The following FAXC variants were observed in gnomAD, a reference collection of about 807,000 sequenced individuals.
FAXC encodes failed axon connections homolog.
In FAXC, 10 loss-of-function variants were observed where a neutral mutation model predicts 41.9. The ratio of observed to expected loss-of-function variants is 0.24; its 90% confidence interval spans 0.15 to 0.41. The LOEUF is 0.41. FAXC is among the 10% of genes least tolerant of loss of function. The probability of loss-of-function intolerance (pLI) is 1.00; values close to 1 mark genes in which losing one functional copy is unlikely to be tolerated. For synonymous variants in FAXC, 183 were observed against 183.8 expected (o/e 1.00, Z 0.03); for missense variants, 399 against 510.9 (o/e 0.78, Z 2.11).
At chr6:99,320,513 A>G (rs1188534772) in intron 4 of FAXC, among the ~76,000 whole-genome samples, 1 of 151,536 alleles carries the variant, frequency 6.6e-6, no homozygotes, top group Non-Finnish European at 1.5e-5. Context: ...TCTCTTTACC[A>G]CCTCCCACCA....
chr6:99,304,004 G>A (rs1397925405), intron 4 of FAXC, among the ~76,000 whole-genome samples: 1 of 152,210 alleles, frequency 6.6e-6, no homozygotes, highest in East Asian at 1.9e-4. Flanking sequence ...ACGGTCGGCC[G>A]GGTGTGGTGG....
chr6:99,349,092 C>G lies in FAXC; in HGVS notation c.266+15G>C, dbSNP rs200432242. 6.2e-7 allele frequency: 1 copy of G among 1,612,302 alleles called. No individual in the cohort carries two copies. Among genetic ancestry groups the G allele is most frequent in the African/African-American group, 1.3e-5 (1 of 74,916 alleles). On this transcript the variant is annotated intron_variant, in intron 1 of 5. Coordinates refer to ENST00000389677, the MANE Select transcript of FAXC (RefSeq NM_032511.4). ...CCTCTCTGCGCCCCTGTGCGGGGCC[C>G]TCTCTCCGGCTCACCTAATGACCAG...
intron 5 of FAXC, chr6:99,284,211 C>T (rs1770932350): frequency 6.6e-6 from 1 of 152,166 alleles, no homozygotes; most frequent in South Asian, 2.1e-4. Context: ...TATTGCACTA[C>T]CTGTCATGGA....
chr6:99,338,860 C>T (rs1582686490), intron 2 of FAXC, among the ~76,000 whole-genome samples: 1 of 152,198 alleles, frequency 6.6e-6, no homozygotes, highest in East Asian at 1.9e-4. Flanking sequence ...GGACTCCCCC[C>T]ATGCATTCCA....
At chr6:99,317,886 GT>G (rs1362957697) in intron 4 of FAXC, among the ~76,000 whole-genome samples, 1 of 152,168 alleles carries the variant, frequency 6.6e-6, no homozygotes, top group Non-Finnish European at 1.5e-5. Context: ...ACAAAGCAGG[GT>G]TTTGTCTGAT....
At chr6:99,330,559 T>C (rs1362267429) in intron 3 of FAXC, among the ~76,000 whole-genome samples, 1 of 152,246 alleles carries the variant, frequency 6.6e-6, no homozygotes, top group Non-Finnish European at 1.5e-5. Flanking sequence ...TGTGATGTAA[T>C]ATAACAATGC....
intron 4 of FAXC, among the ~76,000 whole-genome samples, chr6:99,294,301 C>G (rs943863271): frequency 1.3e-5 from 2 of 152,162 alleles, no homozygotes; most frequent in Non-Finnish European, 2.9e-5. Context: ...GGGTGCATCC[C>G]GCTGGCGCCA....
intron 4 of FAXC, among the ~76,000 whole-genome samples, 193 bp downstream of exon 4, chr6:99,323,251 T>C (rs1772656095): frequency 6.6e-6 from 1 of 152,204 alleles, no homozygotes; most frequent in African/African-American, 2.4e-5. Flanking sequence ...AACAGTCAAG[T>C]ACCAGTGATT....
intron 4 of FAXC, among the ~76,000 whole-genome samples, chr6:99,314,821 G>A (rs749340806): frequency 7.2e-5 from 11 of 152,230 alleles, no homozygotes; most frequent in Admixed American, 1.3e-4. Context: ...ATCTCAGGCC[G>A]TTTACATATG....
chr6:99,291,214 G>A (rs1482261704), intron 5 of FAXC, among the ~76,000 whole-genome samples: 1 of 152,204 alleles, frequency 6.6e-6, no homozygotes. Flanking sequence ...ACAGTTACAT[G>A]TGCAACATCG....
Position 99,342,961 on chromosome 6 carries a change from T to C in FAXC, c.339A>G (p.Pro113=), listed in dbSNP as rs1161203041. Residue 113 remains proline, a synonymous_variant, in exon 2 of 6, where the codon CCA becomes CCG. Transcript: ENST00000389677. ...HQFARPNNGV[P]SLSPFCLKME... ...TCTTTAAACAGAAAGGAGATAAACT[T>C]GGAACACCATTGTTAGGTCTTGCAA... 1 of 1,612,750 alleles carries C rather than the reference T, an allele frequency of 6.2e-7. No homozygotes were observed. The highest frequency in any genetic ancestry group is 8.5e-7 in the Non-Finnish European group (1 of 1,179,578).
intron 3 of FAXC, among the ~76,000 whole-genome samples, chr6:99,326,498 C>T (rs1280750008): frequency 6.6e-6 from 1 of 151,996 alleles, no homozygotes; most frequent in African/African-American, 2.4e-5. Flanking sequence ...GATTGGTTAA[C>T]CTGTAGCATT....
At chr6:99,339,862 G>A (rs957417278) in intron 2 of FAXC, among the ~76,000 whole-genome samples, 2 of 151,912 alleles carry the variant, frequency 1.3e-5, no homozygotes, top group African/African-American at 4.8e-5. Context: ...GAACAAGGAA[G>A]AAGAGGGAAA....
chr6:99,281,297 C>A lies in FAXC; in HGVS notation c.1097G>T (p.Arg366Met), dbSNP rs748190926. 6.2e-7 allele frequency: 1 copy of A among 1,614,198 alleles called. No individual in the cohort carries two copies. The highest frequency in any genetic ancestry group is 8.5e-7 in the Non-Finnish European group (1 of 1,180,032). The change falls in exon 6 of 6, where the codon AGG (arginine) becomes ATG (methionine). Residue 366 changes from arginine to methionine, a missense_variant. Arg to Met is a moderately conservative substitution (Grantham distance 91). Transcript: ENST00000389677. ...TPLLDFSFYS[R>M]TETFEDEGAE... The stretch of plus-strand genomic sequence containing the variant: ...TCCCTCATCTTCAAAGGTCTCTGTC[C>A]TTGAGTAAAAGCTAAAATCCAGCAG...
upstream of FAXC, chr6:99,349,749 C>A (rs1030476758): frequency 5.3e-5 from 8 of 152,026 alleles, no homozygotes; most frequent in African/African-American, 9.7e-5. Flanking sequence ...CTGCCCCCTC[C>A]CCGCATCTCC....
At chr6:99,336,024 T>G (rs1184997135) in intron 2 of FAXC, among the ~76,000 whole-genome samples, 1 of 152,148 alleles carries the variant, frequency 6.6e-6, no homozygotes, top group Non-Finnish European at 1.5e-5. Flanking sequence ...GAGATGCCGG[T>G]GATCTTTTTT....
intron 4 of FAXC, among the ~76,000 whole-genome samples, chr6:99,315,195 T>G (rs1458314174): frequency 7.8e-6 from 1 of 127,978 alleles, no homozygotes; most frequent in Non-Finnish European, 1.5e-5. Context: ...AGCACACTAC[T>G]GCACTCCAGC....
At chr6:99,289,342 C>A (rs572289244) in intron 5 of FAXC, among the ~76,000 whole-genome samples, 1 of 152,248 alleles carries the variant, frequency 6.6e-6, no homozygotes, top group Non-Finnish European at 1.5e-5. Flanking sequence ...TCCATAAACC[C>A]ATTGAAAGCT....
At chr6:99,308,715 C>T (rs221533) in intron 4 of FAXC, among the ~76,000 whole-genome samples, 133,153 of 152,084 alleles carry the variant, frequency 0.88, 58,752 homozygotes, top group East Asian at 1. Context: ...TTTTAAAATA[C>T]GTCAATACAG....
Sources: gnomAD v4.1 joint callset for allele counts (sites outside exome capture counted in the v4.1 genomes callset) on GRCh38, gnomAD v4.1.1 for gene constraint, MANE v1.5 for transcripts, NCBI Gene and HGNC (gene_info 2026-07-23, HGNC 2026-07-21) for gene names.